DOCK2: variants seen among roughly 807,000 people sequenced by gnomAD.
DOCK2 encodes dedicator of cytokinesis protein 2.
A neutral mutation model predicts 248.9 loss-of-function variants in DOCK2; 87 were observed. The ratio of observed to expected loss-of-function variants is 0.35; its 90% CI spans 0.29 to 0.42. DOCK2 has a LOEUF of 0.42. DOCK2 is among the 10% of genes least tolerant of loss of function. The pLI, the probability that DOCK2 is intolerant of heterozygous loss-of-function variation, is 1.00. For synonymous variants in DOCK2, 805 were observed against 821.6 expected (o/e 0.98, Z 0.35); for missense variants, 1,747 against 2,300.2 (o/e 0.76, Z 4.92).
intron 29 of DOCK2, among the ~76,000 whole-genome samples, chr5:169,988,034 G>C (rs908729353): frequency 1.4e-4 from 21 of 152,256 alleles, no homozygotes; most frequent in Middle Eastern, 3.4e-3. Context: ...CACAGTGCCA[G>C]GATCAAGGAA....
intron 27 of DOCK2, among the ~76,000 whole-genome samples, chr5:169,889,422 C>T (rs762833777): frequency 1.3e-5 from 2 of 152,162 alleles, no homozygotes; most frequent in Non-Finnish European, 1.5e-5. Flanking sequence ...AAGACCTGAT[C>T]CCTATTGTAG....
intron 13 of DOCK2, among the ~76,000 whole-genome samples, chr5:169,700,882 G>A (rs1397127335): frequency 6.6e-6 from 1 of 151,244 alleles, no homozygotes; most frequent in African/African-American, 2.4e-5. Context: ...GGCGGGGGCA[G>A]GGAGAGAGAG....
chr5:169,853,804 C>CTTTTTTTT (rs67124138), intron 27 of DOCK2, among the ~76,000 whole-genome samples: 19 of 56,858 alleles, frequency 3.3e-4, no homozygotes, highest in Admixed American at 6.5e-4. Context: ...GGAAAAACAA[C>CTTTTTTTT]TTTTTTTTTT....
chr5:169,912,148 G>C (rs1290962429), intron 27 of DOCK2, among the ~76,000 whole-genome samples: 1 of 152,160 alleles, frequency 6.6e-6, no homozygotes, highest in Non-Finnish European at 1.5e-5. Context: ...AAAGGAAAGC[G>C]ACTATTATTT....
At chr5:169,818,303 C>G (rs1024067525) in intron 26 of DOCK2, among the ~76,000 whole-genome samples, 2 of 152,118 alleles carry the variant, frequency 1.3e-5, no homozygotes, top group African/African-American at 4.8e-5. Context: ...GCACAAAGGC[C>G]GTATCGGTCT....
At chr5:170,077,626 C>T in intron 47 of DOCK2, 84 bp from the exon 48 acceptor site, 1 of 1,578,708 alleles carries the variant, frequency 6.3e-7, no homozygotes, top group South Asian at 1.2e-5. Context: ...TCTGCCCTGC[C>T]TAGGTGGAGG....
chr5:169,716,100 CAT>C lies in DOCK2; in HGVS notation c.1942-112_1942-111del, dbSNP rs1385016369. 2.1e-5 allele frequency: 20 copies of C among 943,348 alleles called. No homozygotes were observed. In the East Asian group the frequency reaches 2.8e-4, roughly 13 times the overall value. 58.4% of individuals were successfully genotyped at this position (943,348 alleles called of 1,614,324 possible). A position where few individuals can be genotyped will look rare whatever the true frequency, so the allele number is the denominator to read the frequency against. The stretch of plus-strand genomic sequence containing the variant: ...ACTACTCTAGACGTTTTGAGCATGA[CAT>C]GTGGTGGATGTGTGCTCTCATTCTC... On this transcript the variant is annotated intron_variant, in intron 19 of 51. Transcript: ENST00000520908.
intron 46 of DOCK2, among the ~76,000 whole-genome samples, chr5:170,074,279 T>C (rs907395727): frequency 6.6e-6 from 1 of 152,244 alleles, no homozygotes; most frequent in African/African-American, 2.4e-5. Context: ...TTTTTCTTCC[T>C]TTATTCTTTC....
intron 33 of DOCK2, among the ~76,000 whole-genome samples, chr5:170,020,246 G>A (rs1445994844): frequency 6.6e-6 from 1 of 151,880 alleles, no homozygotes; most frequent in East Asian, 1.9e-4. Context: ...TTTTCTTTCT[G>A]CTACTTCTCT....
At chr5:169,762,570 C>T (rs185313669) in intron 25 of DOCK2, among the ~76,000 whole-genome samples, 22 of 152,332 alleles carry the variant, frequency 1.4e-4, no homozygotes, top group Non-Finnish European at 2.1e-4. Flanking sequence ...TCTACCTCAT[C>T]TCTAGGAATG....
Position 169,994,592 on chromosome 5 carries a change from C to T in DOCK2, c.2994-1494C>T, listed in dbSNP as rs536936959. Reference sequence around the variant, plus strand: ...TGGAAAACTAAATGAAGAAGGCTCTCGATCTGGACCATGAAGGATAATGAC... The same window carrying T: ...TGGAAAACTAAATGAAGAAGGCTCTTGATCTGGACCATGAAGGATAATGAC... On this transcript the variant is annotated intron_variant, in intron 29 of 51. Transcript: ENST00000520908. Among the ~76,000 whole-genome samples the T allele has an allele frequency of 2.6e-5, 4 of 152,136 alleles. No individual in the cohort carries two copies. In the South Asian group the frequency reaches 6.2e-4, roughly 24 times the overall value.
At chr5:169,868,599 AAG>A (rs1396801908) in intron 27 of DOCK2, among the ~76,000 whole-genome samples, 2 of 152,082 alleles carry the variant, frequency 1.3e-5, no homozygotes, top group Non-Finnish European at 2.9e-5. Context: ...TCTCTACAAA[AAG>A]TAAAAAATTA....
At chr5:170,079,416 G>C in intron 49 of DOCK2, 1 of 372,550 alleles carries the variant, frequency 2.7e-6, no homozygotes, top group Admixed American at 3.7e-5. Flanking sequence ...CATCACACAG[G>C]GCTTTTCCAG....
At chr5:169,777,621 T>G (rs79969105) in intron 25 of DOCK2, among the ~76,000 whole-genome samples, 9,742 of 152,282 alleles carry the variant, frequency 0.064, 483 homozygotes, top group Admixed American at 0.16. Context: ...GCTGGATCAA[T>G]TCCTGATTTT....
chr5:169,709,885 C>G (rs772803103), intron 15 of DOCK2, among the ~76,000 whole-genome samples: 22 of 152,188 alleles, frequency 1.4e-4, no homozygotes, highest in Non-Finnish European at 3.1e-4. Context: ...AATAAGAATG[C>G]AGAGCACGTC....
Position 170,057,607 on chromosome 5 carries a change from G to A in DOCK2, c.4408G>A (p.Val1470Met), listed in dbSNP as rs143595882. 1.2e-5 allele frequency: 19 copies of A among 1,614,012 alleles called. No individual in the cohort carries two copies. Among genetic ancestry groups the A allele is most frequent in the African/African-American group, 8.0e-5 (6 of 74,906 alleles). Residue 1470 changes from valine (V) to methionine (M), a missense_variant, in exon 44 of 52, where the codon GTG (valine) becomes ATG (methionine). Transcript: ENST00000520908. ...ASMWIERTSFVTAYKLPGILR... is the reference protein window; with the variant it reads ...ASMWIERTSFMTAYKLPGILR... The stretch of plus-strand genomic sequence containing the variant: ...CATGTGGATTGAGAGAACCTCCTTC[G>A]TGACTGCATACAAGCTGCCGGGGAT...
At chr5:169,963,483 A>C (rs112664055) in intron 27 of DOCK2, among the ~76,000 whole-genome samples, 4,918 of 152,168 alleles carry the variant, frequency 0.032, 244 homozygotes, top group African/African-American at 0.11. Context: ...CATTGTGGTC[A>C]CTGCTGATAT....
intron 2 of DOCK2, among the ~76,000 whole-genome samples, chr5:169,663,702 A>G (rs1171164606): frequency 6.6e-6 from 1 of 152,226 alleles, no homozygotes; most frequent in East Asian, 1.9e-4. Flanking sequence ...CCATAGCTGG[A>G]GGTGGAGTGG....
At chr5:169,739,555 C>G (rs1330790271) in intron 22 of DOCK2, among the ~76,000 whole-genome samples, 1 of 152,094 alleles carries the variant, frequency 6.6e-6, no homozygotes, top group Non-Finnish European at 1.5e-5. Context: ...GCATGTTATA[C>G]CTAATCCCCT....
Sources: allele counts gnomAD v4.1 joint callset (sites outside exome capture counted in the v4.1 genomes callset), GRCh38; gene constraint gnomAD v4.1.1; transcripts MANE v1.5; gene names NCBI Gene and HGNC (gene_info 2026-07-23, HGNC 2026-07-21).